Variants in EPS15L1 observed in about 807,000 individuals in gnomAD.
EPS15L1 encodes the protein epidermal growth factor receptor pathway substrate 15 like 1.
EPS15L1 carries 43 observed loss-of-function variants against 117.1 expected under a neutral mutation model. That is an observed-to-expected ratio of 0.37 (90% CI 0.29 to 0.47). The LOEUF (loss-of-function observed/expected upper bound fraction) is 0.47, where lower values mean the gene tolerates loss of function less well. Ranked by LOEUF, EPS15L1 falls within the 20% of genes least tolerant of loss-of-function variation. EPS15L1 has a pLI of 0.99. For synonymous variants in EPS15L1, 459 were observed against 470.5 expected (o/e 0.98, Z 0.32); for missense variants, 981 against 1,164.0 (o/e 0.84, Z 2.29).
At chr19:16,409,937 CAAAA>C (rs140859526) in intron 13 of EPS15L1, among the ~76,000 whole-genome samples, 25 of 45,048 alleles carry the variant, frequency 5.5e-4, no homozygotes, top group South Asian at 9.2e-4. Flanking sequence ...GACTCTGTCT[CAAAA>C]AAAAAAAAAA....
chr19:16,437,020 T>G, intron 5 of EPS15L1, 21 bp from the exon 6 acceptor site: 1 of 1,610,880 alleles, frequency 6.2e-7, no homozygotes, highest in Non-Finnish European at 8.5e-7. Flanking sequence ...AGAGAAACAT[T>G]CCTTTGTGGC....
At chr19:16,415,479 C>T (rs1045446505) in intron 12 of EPS15L1, among the ~76,000 whole-genome samples, 3 of 152,164 alleles carry the variant, frequency 2.0e-5, no homozygotes, top group Admixed American at 6.5e-5. Context: ...AGGGACATGT[C>T]GCCAGACACA....
At chr19:16,357,079 C>G (rs1180410829) in intron 23 of EPS15L1, 1 of 152,584 alleles carries the variant, frequency 6.6e-6, no homozygotes, top group Non-Finnish European at 1.5e-5. Flanking sequence ...CCCAAGGACC[C>G]AGGCTCTCGA....
chr19:16,401,476 CACG>C, intron 16 of EPS15L1: 2 of 985,742 alleles, frequency 2.0e-6, no homozygotes, highest in Non-Finnish European at 2.4e-6. Context: ...AGGGTGGCAG[CACG>C]GAGAGAGCTG....
chr19:16,420,619 T>A (rs1438825060), intron 10 of EPS15L1, among the ~76,000 whole-genome samples: 2 of 152,242 alleles, frequency 1.3e-5, no homozygotes, highest in Non-Finnish European at 2.9e-5. Context: ...CTGCTCTACT[T>A]GGAGGTATTT....
At chr19:16,438,078 T>TGTG (rs1413686861) in intron 4 of EPS15L1, among the ~76,000 whole-genome samples, 4 of 152,008 alleles carry the variant, frequency 2.6e-5, no homozygotes, top group African/African-American at 9.7e-5. Flanking sequence ...CCTGGCCAGG[T>TGTG]GTGGTGGCTC....
At chr19:16,379,614 C>T (rs1317468411) in intron 21 of EPS15L1, among the ~76,000 whole-genome samples, 3 of 152,126 alleles carry the variant, frequency 2.0e-5, no homozygotes, top group Non-Finnish European at 4.4e-5. Flanking sequence ...AAGGCTCCAG[C>T]GTCTAGTCAC....
intron 1 of EPS15L1, among the ~76,000 whole-genome samples, chr19:16,465,883 C>T (rs1247862330): frequency 1.3e-5 from 2 of 151,972 alleles, no homozygotes; most frequent in African/African-American, 4.8e-5. Flanking sequence ...AACTATGGTG[C>T]AATGAAGAGG....
chr19:16,465,986 A>G lies in EPS15L1; in HGVS notation c.33+5927T>C, dbSNP rs886814266. 6.3e-5 allele frequency among the ~76,000 whole-genome samples: 8 copies of G among 126,210 alleles called. No homozygotes were observed. In the South Asian group the frequency reaches 2.0e-3, roughly 31 times the overall value. 82.8% of individuals were successfully genotyped at this position (126,210 alleles called of 152,430 possible). A position where few individuals can be genotyped will look rare whatever the true frequency, so the allele number is the denominator to read the frequency against. On this transcript the variant is annotated intron_variant, in intron 1 of 23. Coordinates refer to ENST00000455140, the MANE Select transcript of EPS15L1 (RefSeq NM_001258374.3). ...AACAATCTCTGGCCTCACTTTATCTATTTTTTTTTTTTTTTTTTTTGAGAC... is the reference window on the plus strand; with the variant it reads ...AACAATCTCTGGCCTCACTTTATCTGTTTTTTTTTTTTTTTTTTTTGAGAC...
intron 16 of EPS15L1, among the ~76,000 whole-genome samples, chr19:16,397,695 T>A (rs1251227864): frequency 6.6e-6 from 1 of 152,160 alleles, no homozygotes; most frequent in Admixed American, 6.5e-5. Flanking sequence ...CATTTTTTTT[T>A]TAAAGTGTGT....
intron 1 of EPS15L1, among the ~76,000 whole-genome samples, chr19:16,469,413 G>A (rs918045891): frequency 1.3e-5 from 2 of 152,196 alleles, no homozygotes; most frequent in African/African-American, 2.4e-5. Context: ...TAACCTCGGG[G>A]AGTACAAGGA....
At chr19:16,388,905 A>G (rs1178642308) in intron 19 of EPS15L1, among the ~76,000 whole-genome samples, 2 of 152,048 alleles carry the variant, frequency 1.3e-5, no homozygotes, top group African/African-American at 4.8e-5. Flanking sequence ...AAAACACACT[A>G]AACAAACAAA....
chr19:16,358,075 G>A (rs2092006239), intron 23 of EPS15L1: 1 of 152,696 alleles, frequency 6.5e-6, no homozygotes, highest in Admixed American at 6.5e-5. Context: ...TCAAAGCCTG[G>A]AACGACCAAG....
intron 1 of EPS15L1, among the ~76,000 whole-genome samples, chr19:16,451,350 T>G (rs2093140394): frequency 6.6e-6 from 1 of 152,144 alleles, no homozygotes; most frequent in Admixed American, 6.6e-5. Context: ...AAATGCAAGG[T>G]GACATTTGCA....
chr19:16,454,870 C>T (rs562891237), intron 1 of EPS15L1, among the ~76,000 whole-genome samples: 1 of 151,532 alleles, frequency 6.6e-6, no homozygotes, highest in African/African-American at 2.4e-5. Flanking sequence ...TGGCTCACAC[C>T]TGTAACCCCA....
chr19:16,458,375 A>G (rs1307283431), intron 1 of EPS15L1, among the ~76,000 whole-genome samples: 26 of 152,122 alleles, frequency 1.7e-4, no homozygotes, highest in Admixed American at 1.7e-3. Context: ...CACACACACC[A>G]ACACAGAAGA....
In EPS15L1 at chr19:16,383,462, T is replaced by A. The variant is rs1294413945; in HGVS notation, c.2247+1667A>T. 1 of 152,186 alleles carries A rather than the reference T, an allele frequency of 6.6e-6. No individual in the cohort carries two copies. 9.4% of individuals were successfully genotyped at this position (152,186 alleles called of 1,614,324 possible). On this transcript the variant is annotated intron_variant, in intron 21 of 23. Transcript: ENST00000455140. The surrounding 1 kb of genome is among the most constrained non-coding windows in gnomAD (Gnocchi z 5.2). ...ACTGCTGCCACCGTGTGGCCAACGTTTTCTGCTTTCGGGAGATGGTTTCCC... is the reference window on the plus strand; with the variant it reads ...ACTGCTGCCACCGTGTGGCCAACGTATTCTGCTTTCGGGAGATGGTTTCCC...
At chr19:16,396,988 G>A (rs1298032853) in intron 16 of EPS15L1, among the ~76,000 whole-genome samples, 2 of 152,176 alleles carry the variant, frequency 1.3e-5, no homozygotes, top group Non-Finnish European at 1.5e-5. Flanking sequence ...GGATGAAAAC[G>A]TTCTAGAGCT....
At chr19:16,460,445 T>C (rs2093237993) in intron 1 of EPS15L1, among the ~76,000 whole-genome samples, 1 of 152,226 alleles carries the variant, frequency 6.6e-6, no homozygotes, top group East Asian at 1.9e-4. Flanking sequence ...TTAAAGGACA[T>C]TTTCTAGTGG....
Sources: gnomAD v4.1 joint callset for allele counts (sites outside exome capture counted in the v4.1 genomes callset) on GRCh38, gnomAD v4.1.1 for gene constraint, Gnocchi (gnomAD v3.1) non-coding constraint, MANE v1.5 for transcripts, NCBI Gene and HGNC (gene_info 2026-07-23, HGNC 2026-07-21) for gene names.